Variants in INSC observed in about 807,000 individuals in gnomAD.
INSC encodes INSC spindle orientation adaptor protein.
A neutral mutation model predicts 58.6 loss-of-function variants in INSC; 67 were observed. The ratio of observed to expected loss-of-function variants is 1.14; its 90% CI spans 0.94 to 1.40. INSC has a LOEUF of 1.40. INSC is among the 40% of genes most tolerant of loss of function. The pLI is 0.00. For missense variants in INSC, 714 were observed against 692.0 expected, an observed-to-expected ratio of 1.03 and a Z score of -0.36; for synonymous variants, 262 against 276.1, an observed-to-expected ratio of 0.95 and a Z score of 0.51.
Position 15,158,860 on chromosome 11 carries a change from G to GTTTTTTTTTTTTTTTTTTTTTTTTTTTTT in INSC, c.56+9651_56+9652insTTTTTTTTTTTTTTTTTTTTTTTTTTTTT, listed in dbSNP as rs529518368. On this transcript the variant is annotated intron_variant, in intron 2 of 12. Coordinates refer to ENST00000379556, the MANE Select transcript of INSC (RefSeq NM_001042536.3). Reference sequence around the variant, plus strand: ...ATTATAACCAGATGAATTGTTGGTGGTTTTTTTTTTTTTTTTTTTTTGCCT... The same window carrying GTTTTTTTTTTTTTTTTTTTTTTTTTTTTT: ...ATTATAACCAGATGAATTGTTGGTGGTTTTTTTTTTTTTTTTTTTTTTTTTTTTTTTTTTTTTTTTTTTTTTTTTTGCCT... Among the ~76,000 whole-genome samples, 2 of 109,706 alleles carry GTTTTTTTTTTTTTTTTTTTTTTTTTTTTT rather than the reference G, an allele frequency of 1.8e-5. 1 individual carries two copies. The highest frequency in any genetic ancestry group is 7.1e-5 in the African/African-American group (2 of 28,270). 72.0% of individuals were successfully genotyped at this position (109,706 alleles called of 152,430 possible).
intron 2 of INSC, among the ~76,000 whole-genome samples, chr11:15,161,655 G>T (rs1849023999): frequency 1.3e-5 from 2 of 152,216 alleles, no homozygotes; most frequent in African/African-American, 4.8e-5. Flanking sequence ...AGCACCAAAT[G>T]CTGGGGCAGG....
chr11:15,153,107 C>T (rs773511807), intron 2 of INSC, among the ~76,000 whole-genome samples: 64 of 152,332 alleles, frequency 4.2e-4, no homozygotes, highest in Middle Eastern at 3.4e-3. Context: ...GTGCCGTGTA[C>T]TTGAGGACAT....
intron 2 of INSC, among the ~76,000 whole-genome samples, chr11:15,158,860 G>GTATTTTTTTTTT (rs1554907670): frequency 4.6e-5 from 5 of 109,696 alleles, no homozygotes; most frequent in Admixed American, 1.1e-4. Context: ...ATTGTTGGTG[G>GTATTTTTTTTTT]TTTTTTTTTT....
chr11:15,223,361 T>C (rs1589989334), intron 8 of INSC, among the ~76,000 whole-genome samples: 3 of 152,344 alleles, frequency 2.0e-5, no homozygotes, highest in Middle Eastern at 3.4e-3. Context: ...CTGATGAAGA[T>C]GCATTGTATA....
chr11:15,116,317 A>G (rs79168894), intron 1 of INSC, among the ~76,000 whole-genome samples: 4,538 of 152,298 alleles, frequency 0.03, 94 homozygotes, highest in Middle Eastern at 0.061. Flanking sequence ...TCCCAAGGCA[A>G]CCATTTGGCA....
intron 1 of INSC, among the ~76,000 whole-genome samples, chr11:15,136,988 A>G (rs964760627): frequency 1.3e-5 from 2 of 152,222 alleles, no homozygotes; most frequent in Non-Finnish European, 2.9e-5. Context: ...TTTCTTAAAT[A>G]ATAAGACTTG....
chr11:15,155,238 TG>T (rs1194527883), intron 2 of INSC, among the ~76,000 whole-genome samples: 1 of 152,218 alleles, frequency 6.6e-6, no homozygotes, highest in African/African-American at 2.4e-5. Flanking sequence ...TTGCACATGG[TG>T]TTTCTTCTGT....
chr11:15,188,424 C>G, intron 5 of INSC: 4 of 864,294 alleles, frequency 4.6e-6, no homozygotes, highest in Non-Finnish European at 5.6e-6. Flanking sequence ...CGGCTCCTCC[C>G]AAGACCACAT....
At chr11:15,171,368 A>G (rs943379842) in intron 2 of INSC, among the ~76,000 whole-genome samples, 3 of 152,032 alleles carry the variant, frequency 2.0e-5, no homozygotes, top group Non-Finnish European at 2.9e-5. Context: ...AGGGATCTCA[A>G]TGTGAATGGC....
chr11:15,241,822 A>G (rs2133982031), intron 12 of INSC, among the ~76,000 whole-genome samples: 1 of 152,340 alleles, frequency 6.6e-6, no homozygotes, highest in Non-Finnish European at 1.5e-5. Flanking sequence ...TTTTTAGTCA[A>G]CACATCATTA....
intron 5 of INSC, among the ~76,000 whole-genome samples, chr11:15,185,577 A>G (rs1336550980): frequency 6.6e-6 from 1 of 152,116 alleles, no homozygotes; most frequent in African/African-American, 2.4e-5. Flanking sequence ...TCAAATTTCA[A>G]TGATAAGTGT....
chr11:15,152,313 G>A (rs116653024), intron 2 of INSC, among the ~76,000 whole-genome samples: 2 of 152,268 alleles, frequency 1.3e-5, no homozygotes, highest in African/African-American at 4.8e-5. Flanking sequence ...TTGTCCATTG[G>A]CCAAAATGTC....
At chr11:15,216,210 G>A (rs1164334987) in intron 7 of INSC, among the ~76,000 whole-genome samples, 3 of 152,156 alleles carry the variant, frequency 2.0e-5, no homozygotes, top group Non-Finnish European at 4.4e-5. Flanking sequence ...GTGAGCTAGG[G>A]AGGAGCCTAA....
chr11:15,183,489 GT>G (rs1223878953), intron 5 of INSC, among the ~76,000 whole-genome samples: 1 of 151,628 alleles, frequency 6.6e-6, no homozygotes, highest in African/African-American at 2.4e-5. Flanking sequence ...GATTATAAAA[GT>G]TTTCAATTTA....
downstream of INSC, among the ~76,000 whole-genome samples, chr11:15,247,757 T>TATATATATATATATATA (rs1248973797): frequency 3.1e-5 from 3 of 95,470 alleles, no homozygotes; most frequent in South Asian, 3.0e-4. Flanking sequence ...ATATATATAT[T>TATATATATATATATATA]TCACTGAGTT....
At chr11:15,171,157 G>A (rs1417087055) in intron 2 of INSC, among the ~76,000 whole-genome samples, 1 of 152,150 alleles carries the variant, frequency 6.6e-6, no homozygotes. Flanking sequence ...GTGGGGTTGG[G>A]TTGGTTCTTT....
At position 15,175,948 on chromosome 11, in the gene INSC, G is replaced by A. The variant is rs746802053; in HGVS notation, c.264G>A (p.Leu88=). The A allele has an allele frequency of 2.5e-6, 4 of 1,614,006 alleles. No individual in the cohort carries two copies. The East Asian group carries it at 6.7e-5, about 27-fold the overall frequency. ...GGGGTTGGGTCATTAGCACAGAGCT[G>A]CGCAGGATCGGGCAGAAGCTGGCCC... ...LKRGWVISTE[L]RRIGQKLAQD... is the part of the protein sequence containing the mutation. Residue 88 remains leucine (L), a synonymous_variant, in exon 3 of 13, where the codon CTG becomes CTA. Transcript: ENST00000379556.
At chr11:15,114,005 A>G (rs1473562639), upstream of INSC, among the ~76,000 whole-genome samples, 2 of 151,880 alleles carry the variant, frequency 1.3e-5, no homozygotes, top group African/African-American at 4.8e-5. Context: ...TGTCAGTAAG[A>G]GAGTTCAAGC....
intron 1 of INSC, among the ~76,000 whole-genome samples, chr11:15,146,927 C>T (rs1361227506): frequency 6.6e-6 from 1 of 152,102 alleles, no homozygotes; most frequent in East Asian, 1.9e-4. Context: ...GGTATGCATG[C>T]TTCACCTCAT....
Sources: gnomAD v4.1 joint callset for allele counts (sites outside exome capture counted in the v4.1 genomes callset) on GRCh38, gnomAD v4.1.1 for gene constraint, MANE v1.5 for transcripts, NCBI Gene and HGNC (gene_info 2026-07-23, HGNC 2026-07-21) for gene names.